The following GAS2 variants were observed in gnomAD, a reference collection of about 807,000 sequenced individuals.
The protein encoded by GAS2 is growth arrest specific 2.
GAS2 carries 20 observed loss-of-function variants against 37.5 expected under a neutral mutation model. That is an observed-to-expected ratio of 0.53 (90% confidence interval 0.37 to 0.77). The LOEUF is 0.77. Among genes scored for constraint, GAS2 ranks in the 30% least tolerant of loss-of-function variants. The pLI is 0.00. For synonymous variants in GAS2, 144 were observed against 132.2 expected, an observed-to-expected ratio of 1.09 and a Z score of -0.61; for missense variants, 336 against 373.4, an observed-to-expected ratio of 0.90 and a Z score of 0.82.
At chr11:22,628,343 T>C (rs1858691768) in intron 1 of GAS2, among the ~76,000 whole-genome samples, 1 of 152,144 alleles carries the variant, frequency 6.6e-6, no homozygotes, top group African/African-American at 2.4e-5. Flanking sequence ...CCTCAAAGTG[T>C]TTGAACAATC....
intron 6 of GAS2, among the ~76,000 whole-genome samples, chr11:22,750,056 G>A (rs1469425208): frequency 3.3e-5 from 5 of 152,000 alleles, no homozygotes; most frequent in African/African-American, 4.8e-5. Flanking sequence ...ATGAGTGACT[G>A]GGATGTTGTT....
chr11:22,627,071 G>T (rs1565056886), intron 1 of GAS2, among the ~76,000 whole-genome samples: 1 of 152,200 alleles, frequency 6.6e-6, no homozygotes, highest in Non-Finnish European at 1.5e-5. Context: ...GGGATTAGAG[G>T]CGTGTGCCAC....
chr11:22,805,155 A>C (rs930812913), intron 7 of GAS2, among the ~76,000 whole-genome samples: 2 of 152,058 alleles, frequency 1.3e-5, no homozygotes, highest in African/African-American at 4.8e-5. Context: ...CTATAATCAG[A>C]GCTATAAATC....
intron 3 of GAS2, among the ~76,000 whole-genome samples, chr11:22,713,281 T>G (rs1048950453): frequency 2.0e-5 from 3 of 151,562 alleles, no homozygotes; most frequent in Admixed American, 6.6e-5. Context: ...AAAGAAGACT[T>G]CTGAATTAAC....
At chr11:22,634,853 T>TA (rs1858800560) in intron 1 of GAS2, among the ~76,000 whole-genome samples, 1 of 152,166 alleles carries the variant, frequency 6.6e-6, no homozygotes, top group African/African-American at 2.4e-5. Context: ...TAAATGGCCT[T>TA]AATGTGTTGC....
intron 1 of GAS2, among the ~76,000 whole-genome samples, chr11:22,630,122 T>A (rs1015595350): frequency 1.3e-5 from 2 of 152,180 alleles, no homozygotes; most frequent in Non-Finnish European, 2.9e-5. Flanking sequence ...TATGTATACA[T>A]GTGCCATGTT....
chr11:22,659,902 AAGGGAGGGAGGAAGGGAGGG>A (rs1490582547), intron 1 of GAS2, among the ~76,000 whole-genome samples: 1 of 126,388 alleles, frequency 7.9e-6, no homozygotes, highest in Non-Finnish European at 1.7e-5. Flanking sequence ...GGGAGGGAGG[AAGGGAGGGAGGAAGGGAGGG>A]AGGGAGGGAA....
At chr11:22,655,840 T>A (rs1848848135) in intron 1 of GAS2, among the ~76,000 whole-genome samples, 1 of 152,214 alleles carries the variant, frequency 6.6e-6, no homozygotes, top group African/African-American at 2.4e-5. Flanking sequence ...TAGATGGGCC[T>A]GAAAATTAGC....
At chr11:22,646,194 T>C (rs1848688670) in intron 1 of GAS2, among the ~76,000 whole-genome samples, 1 of 152,216 alleles carries the variant, frequency 6.6e-6, no homozygotes, top group African/African-American at 2.4e-5. Context: ...TCATGTAATA[T>C]CTGTAATTCT....
intron 5 of GAS2, among the ~76,000 whole-genome samples, chr11:22,740,491 C>A (rs985889944): frequency 1.1e-4 from 17 of 152,108 alleles, no homozygotes; most frequent in African/African-American, 3.9e-4. Context: ...ATAAATTATT[C>A]ATGGTGCTAC....
chr11:22,743,233 A>G (rs2134254026), intron 5 of GAS2, among the ~76,000 whole-genome samples: 1 of 152,230 alleles, frequency 6.6e-6, no homozygotes, highest in African/African-American at 2.4e-5. Flanking sequence ...TTGGTAAAGA[A>G]TATAATAATA....
chr11:22,731,361 A>C (rs1165356212), intron 4 of GAS2: 1 of 449,392 alleles, frequency 2.2e-6, no homozygotes, highest in African/African-American at 2.0e-5. Context: ...TGCTTCATCT[A>C]TTTCTCTGAG....
At chr11:22,727,026 T>C (rs751172894) in intron 4 of GAS2, among the ~76,000 whole-genome samples, 22 of 152,150 alleles carry the variant, frequency 1.4e-4, no homozygotes, top group Admixed American at 7.9e-4. Flanking sequence ...TGCGTAGATT[T>C]CTGTAGTTGT....
intron 3 of GAS2, among the ~76,000 whole-genome samples, chr11:22,700,486 CAAT>C (rs1271296922): frequency 6.6e-6 from 1 of 152,028 alleles, no homozygotes; most frequent in Non-Finnish European, 1.5e-5. Flanking sequence ...TCTAGGGAAA[CAAT>C]AAGGATCTGA....
At chr11:22,755,661 T>A (rs1003968722) in intron 6 of GAS2, 185 bp from the exon 7 acceptor site, 2 of 495,908 alleles carry the variant, frequency 4.0e-6, no homozygotes, top group Admixed American at 7.3e-5. Flanking sequence ...TGCCTTCAGA[T>A]GTCTTTGGGG....
At chr11:22,675,953 A>G (rs561298984) in intron 2 of GAS2, among the ~76,000 whole-genome samples, 7 of 152,276 alleles carry the variant, frequency 4.6e-5, no homozygotes, top group African/African-American at 1.7e-4. Context: ...AGCACATTTT[A>G]TCAGGGTTTT....
chr11:22,789,850 T>C (rs1232006209), intron 7 of GAS2, among the ~76,000 whole-genome samples: 1 of 152,086 alleles, frequency 6.6e-6, no homozygotes, highest in Non-Finnish European at 1.5e-5. Flanking sequence ...GGATATATAT[T>C]TTACTTCAGA....
chr11:22,773,439 T>C (rs1380682701), intron 7 of GAS2, among the ~76,000 whole-genome samples: 1 of 145,552 alleles, frequency 6.9e-6, no homozygotes, highest in African/African-American at 2.6e-5. Context: ...TGTTGCCCAG[T>C]CTTGAGTGCA....
intron 7 of GAS2, among the ~76,000 whole-genome samples, chr11:22,764,314 A>G (rs1014543830): frequency 2.0e-5 from 3 of 152,192 alleles, no homozygotes; most frequent in Non-Finnish European, 4.4e-5. Flanking sequence ...TAATCCCAGC[A>G]CTTTGGGAGG....
Sources: gnomAD v4.1 joint callset for allele counts (sites outside exome capture counted in the v4.1 genomes callset) on GRCh38, gnomAD v4.1.1 for gene constraint, MANE v1.5 for transcripts, NCBI Gene and HGNC (gene_info 2026-07-23, HGNC 2026-07-21) for gene names.